Variants in PAPPA observed in about 807,000 individuals in gnomAD.
The protein encoded by PAPPA is pappalysin 1, also known as pappalysin-1.
A neutral mutation model predicts 164.0 loss-of-function variants in PAPPA; 60 were observed. The observed-to-expected ratio is 0.37, with a 90% CI of 0.30 to 0.45. The LOEUF (loss-of-function observed/expected upper bound fraction) is 0.45, where lower values mean the gene tolerates loss of function less well. Ranked by LOEUF, PAPPA falls within the 20% of genes least tolerant of loss-of-function variation. The pLI, the probability that PAPPA is intolerant of heterozygous loss-of-function variation, is 1.00. For synonymous variants in PAPPA, 875 were observed against 814.1 expected (o/e 1.07, Z -1.27); for missense variants, 1,782 against 2,087.3 (o/e 0.85, Z 2.85).
chr9:116,175,246 A>T (rs1054392626), intron 1 of PAPPA, among the ~76,000 whole-genome samples: 1 of 152,186 alleles, frequency 6.6e-6, no homozygotes, highest in Non-Finnish European at 1.5e-5. Context: ...GCCCTCCAGT[A>T]CCAAGAGGAG....
chr9:116,291,018 A>C (rs1403783320), intron 9 of PAPPA, among the ~76,000 whole-genome samples: 1 of 152,074 alleles, frequency 6.6e-6, no homozygotes, highest in East Asian at 1.9e-4. Flanking sequence ...TCATATCTTG[A>C]GATATCATTG....
At chr9:116,333,670 G>C (rs1321869328) in intron 12 of PAPPA, among the ~76,000 whole-genome samples, 2 of 152,204 alleles carry the variant, frequency 1.3e-5, no homozygotes, top group Non-Finnish European at 2.9e-5. Context: ...GGAAGAGAAA[G>C]AAAACCCCTC....
At chr9:116,183,909 G>A (rs1288358640) in intron 1 of PAPPA, among the ~76,000 whole-genome samples, 1 of 152,140 alleles carries the variant, frequency 6.6e-6, no homozygotes, top group Non-Finnish European at 1.5e-5. Flanking sequence ...TGAACTGAGA[G>A]CACCCTACAG....
intron 9 of PAPPA, among the ~76,000 whole-genome samples, chr9:116,277,261 C>T (rs1453495755): frequency 1.3e-5 from 2 of 152,178 alleles, no homozygotes; most frequent in African/African-American, 4.8e-5. Flanking sequence ...AAAGTAGTAA[C>T]TTTCCCCAGA....
At chr9:116,344,793 C>A in intron 14 of PAPPA, 82 bp downstream of exon 14, 1 of 1,223,158 alleles carries the variant, frequency 8.2e-7, no homozygotes. Flanking sequence ...CTGCTAAATA[C>A]CCAGCAGCAC....
At chr9:116,366,509 A>G (rs1846501625) in intron 18 of PAPPA, among the ~76,000 whole-genome samples, 3 of 152,210 alleles carry the variant, frequency 2.0e-5, no homozygotes, top group South Asian at 2.1e-4. Context: ...ACGACACCTA[A>G]ATGCATATTC....
At chr9:116,211,097 C>T (rs574800818) in intron 3 of PAPPA, among the ~76,000 whole-genome samples, 2 of 152,328 alleles carry the variant, frequency 1.3e-5, no homozygotes, top group South Asian at 2.1e-4. Flanking sequence ...TGCTGACCTT[C>T]ATTAGCGTTC....
At chr9:116,393,746 G>A (rs1846924625) in intron 21 of PAPPA, among the ~76,000 whole-genome samples, 1 of 152,152 alleles carries the variant, frequency 6.6e-6, no homozygotes, top group Admixed American at 6.5e-5. Context: ...GCTGGCCAGG[G>A]AAGAGCAGTC....
intron 17 of PAPPA, among the ~76,000 whole-genome samples, chr9:116,360,831 G>C (rs1027441398): frequency 6.6e-6 from 1 of 152,186 alleles, no homozygotes; most frequent in African/African-American, 2.4e-5. Flanking sequence ...TAGGGCACCA[G>C]CCTGGGCCTT....
At chr9:116,236,238 C>T (rs10983084) in intron 7 of PAPPA, among the ~76,000 whole-genome samples, 82,114 of 151,770 alleles carry the variant, frequency 0.54, 22,670 homozygotes, top group Non-Finnish European at 0.6. Context: ...TTTAGGTTTC[C>T]GTAACTCTTT....
intron 10 of PAPPA, among the ~76,000 whole-genome samples, chr9:116,327,683 C>T (rs926852995): frequency 2.0e-5 from 3 of 152,122 alleles, no homozygotes; most frequent in African/African-American, 7.2e-5. Flanking sequence ...AACTTTGTAT[C>T]ATGGGCAAGG....
At chr9:116,386,172 G>C (rs890398581) in intron 21 of PAPPA, among the ~76,000 whole-genome samples, 5 of 152,172 alleles carry the variant, frequency 3.3e-5, no homozygotes, top group African/African-American at 1.2e-4. Flanking sequence ...TTCAGTTGTG[G>C]ACAGGTGTTT....
intron 7 of PAPPA, among the ~76,000 whole-genome samples, chr9:116,254,520 C>T (rs924662531): frequency 2.5e-4 from 38 of 152,128 alleles, no homozygotes; most frequent in African/African-American, 7.2e-5. Flanking sequence ...CGGTGGCTCA[C>T]ACCTGTAATC....
intron 13 of PAPPA, among the ~76,000 whole-genome samples, chr9:116,335,617 T>G (rs937665966): frequency 6.6e-6 from 1 of 152,170 alleles, no homozygotes; most frequent in Non-Finnish European, 1.5e-5. Flanking sequence ...TTCAACTGCA[T>G]GACATCACTC....
chr9:116,255,126 G>A (rs961630510), intron 7 of PAPPA, among the ~76,000 whole-genome samples: 41 of 151,838 alleles, frequency 2.7e-4, no homozygotes, highest in Admixed American at 4.6e-4. Context: ...GAACCATAAA[G>A]GGAAGCTTGT....
intron 13 of PAPPA, among the ~76,000 whole-genome samples, chr9:116,342,258 T>A (rs1039061969): frequency 6.6e-6 from 1 of 152,188 alleles, no homozygotes; most frequent in Non-Finnish European, 1.5e-5. Context: ...ACAGATGCAT[T>A]GTTTAGTGTC....
intron 2 of PAPPA, among the ~76,000 whole-genome samples, chr9:116,200,423 G>A (rs1844158978): frequency 6.6e-6 from 1 of 152,088 alleles, no homozygotes. Flanking sequence ...ACAGACTAGG[G>A]GTTGTGTCCC....
Position 116,385,263 on chromosome 9 carries a change from AAATAAATAAATAAATAAAT to A in PAPPA, c.4776+2776_4776+2794del, listed in dbSNP as rs869073948. On this transcript the variant is annotated intron_variant, in intron 21 of 21. Transcript: ENST00000328252. The stretch of plus-strand genomic sequence containing the variant: ...TAAATAAATAAATAAATAAATAAAT[AAATAAATAAATAAATAAAT>A]AATAATTTGGAATCCACACCTGAAC... Among the ~76,000 whole-genome samples, 957 of 147,658 alleles carry A rather than the reference AAATAAATAAATAAATAAAT, an allele frequency of 6.5e-3. 12 individuals are homozygous for A. Among genetic ancestry groups the A allele is most frequent in the African/African-American group, 0.018 (702 of 39,816 alleles).
intron 5 of PAPPA, among the ~76,000 whole-genome samples, chr9:116,225,248 T>A (rs2118717464): frequency 6.6e-6 from 1 of 152,358 alleles, no homozygotes; most frequent in Non-Finnish European, 1.5e-5. Flanking sequence ...TGGATTGTGG[T>A]CATCCTAAGG....
Sources: gnomAD v4.1 joint callset for allele counts (sites outside exome capture counted in the v4.1 genomes callset) on GRCh38, gnomAD v4.1.1 for gene constraint, MANE v1.5 for transcripts, NCBI Gene and HGNC (gene_info 2026-07-23, HGNC 2026-07-21) for gene names.